Variants in LRRC37A2 observed in about 807,000 individuals in gnomAD.
The protein encoded by LRRC37A2 is leucine rich repeat containing 37 member A2, also known as leucine-rich repeat-containing protein 37A2.
Under a neutral mutation model 68.8 loss-of-function variants are expected in LRRC37A2, and 9 were observed. The ratio of observed to expected loss-of-function variants is 0.13; its 90% CI spans 0.08 to 0.23. LRRC37A2 has a LOEUF of 0.23. LRRC37A2 is among the 10% of genes least tolerant of loss of function. The pLI is 1.00. For missense variants in LRRC37A2, 168 were observed against 950.4 expected, an observed-to-expected ratio of 0.18 and a Z score of 10.82; for synonymous variants, 63 against 367.6, an observed-to-expected ratio of 0.17 and a Z score of 9.48.
the LRRC37A2 span, among the ~76,000 whole-genome samples, chr17:46,463,787 C>T: frequency 2.3e-5 from 2 of 85,572 alleles, no homozygotes; most frequent in Non-Finnish European, 5.0e-5. Flanking sequence ...GAATGAGACC[C>T]TGTCTCAAAA....
the LRRC37A2 span, among the ~76,000 whole-genome samples, chr17:46,914,776 G>A: frequency 3.3e-5 from 5 of 151,494 alleles, no homozygotes; most frequent in Non-Finnish European, 7.4e-5. Flanking sequence ...TTATCTCACT[G>A]CCTGCCAGGA....
chr17:46,940,816 G>A, the LRRC37A2 span: 1 of 1,471,044 alleles, frequency 6.8e-7, no homozygotes, highest in Non-Finnish European at 9.0e-7. Context: ...TTTACCACCT[G>A]CGGCTGGTGG....
At chr17:46,494,777 G>T in the LRRC37A2 span, among the ~76,000 whole-genome samples, 12 of 151,240 alleles carry the variant, frequency 7.9e-5, no homozygotes, top group South Asian at 1.2e-3. Flanking sequence ...ATCAAATCAG[G>T]TTAATTAGGG....
chr17:46,799,898 T>C, the LRRC37A2 span, among the ~76,000 whole-genome samples: 1 of 152,160 alleles, frequency 6.6e-6, no homozygotes. Flanking sequence ...ATCTGGGATT[T>C]GCACCACAGG....
At chr17:46,911,740 C>T in the LRRC37A2 span, among the ~76,000 whole-genome samples, 6 of 152,062 alleles carry the variant, frequency 3.9e-5, no homozygotes, top group East Asian at 3.9e-4. Context: ...AAAAATTAGC[C>T]GGGCATGGTG....
chr17:46,972,229 C>T, the LRRC37A2 span, among the ~76,000 whole-genome samples: 4 of 152,330 alleles, frequency 2.6e-5, no homozygotes, highest in East Asian at 3.9e-4. Context: ...CTTCTCCCGC[C>T]ACCCGCTTCT....
the LRRC37A2 span, among the ~76,000 whole-genome samples, chr17:46,747,855 G>A: frequency 6.6e-6 from 1 of 152,256 alleles, no homozygotes; most frequent in South Asian, 2.1e-4. Flanking sequence ...TCAAGGAAAT[G>A]TATTTCCTAG....
chr17:46,764,393 C>G, the LRRC37A2 span: 9 of 152,634 alleles, frequency 5.9e-5, no homozygotes, highest in Non-Finnish European at 1.3e-4. Context: ...AAGAAAGCCC[C>G]CTTCTTTAAA....
chr17:46,492,247 G>C, the LRRC37A2 span, among the ~76,000 whole-genome samples: 1 of 151,246 alleles, frequency 6.6e-6, no homozygotes, highest in Non-Finnish European at 1.5e-5. Flanking sequence ...TTACAGGTGT[G>C]AGCCATCGCG....
the LRRC37A2 span, chr17:46,755,553 C>A: frequency 1.5e-6 from 1 of 689,300 alleles, no homozygotes. Context: ...TCTCCCTGTC[C>A]TGCTTCGCAA....
chr17:46,840,831 C>T, the LRRC37A2 span, among the ~76,000 whole-genome samples: 1 of 152,156 alleles, frequency 6.6e-6, no homozygotes, highest in Non-Finnish European at 1.5e-5. Flanking sequence ...TATCCTTTGC[C>T]CATTTTTTGA....
At chr17:46,782,616 C>T in the LRRC37A2 span, among the ~76,000 whole-genome samples, 2 of 152,386 alleles carry the variant, frequency 1.3e-5, no homozygotes, top group East Asian at 3.9e-4. Context: ...TGGCAGATGT[C>T]AGGACAGGAA....
chr17:47,027,698 T>C, the LRRC37A2 span: 3 of 761,814 alleles, frequency 3.9e-6, no homozygotes, highest in Non-Finnish European at 6.6e-6. Flanking sequence ...TCTTTGCTAT[T>C]CTTGAAATAT....
chr17:46,842,979 A>T, the LRRC37A2 span, among the ~76,000 whole-genome samples: 3 of 152,204 alleles, frequency 2.0e-5, no homozygotes, highest in Non-Finnish European at 4.4e-5. Flanking sequence ...ATTTTAAGTT[A>T]GGACCCAGGG....
At chr17:46,496,405 T>G in the LRRC37A2 span, among the ~76,000 whole-genome samples, 1 of 136,458 alleles carries the variant, frequency 7.3e-6, no homozygotes, top group East Asian at 2.2e-4. Context: ...GGAGTTCGAG[T>G]CCAGACTGGA....
At chr17:46,743,300 T>A in the LRRC37A2 span, among the ~76,000 whole-genome samples, 1 of 152,156 alleles carries the variant, frequency 6.6e-6, no homozygotes, top group African/African-American at 2.4e-5. Flanking sequence ...CCGTATGGAT[T>A]CCTGACACCA....
chr17:46,975,004 T>C, the LRRC37A2 span, among the ~76,000 whole-genome samples: 1 of 148,568 alleles, frequency 6.7e-6, no homozygotes, highest in African/African-American at 2.5e-5. Flanking sequence ...TTTTTTTTTT[T>C]TTTTTTTTTA....
At chr17:46,979,605 T>G in the LRRC37A2 span, among the ~76,000 whole-genome samples, 1 of 152,246 alleles carries the variant, frequency 6.6e-6, no homozygotes, top group African/African-American at 2.4e-5. Context: ...AGACATCAGA[T>G]GAGTCGCCGG....
chr17:46,759,817 T>C, the LRRC37A2 span, among the ~76,000 whole-genome samples: 1 of 152,234 alleles, frequency 6.6e-6, no homozygotes, highest in South Asian at 2.1e-4. Flanking sequence ...CCTTCTTTCT[T>C]CATAAAATAA....
Sources: gnomAD v4.1 joint callset for allele counts (sites outside exome capture counted in the v4.1 genomes callset) on GRCh38, gnomAD v4.1.1 for gene constraint, MANE v1.5 for transcripts, NCBI Gene and HGNC (gene_info 2026-07-23, HGNC 2026-07-21) for gene names.